OPCML: variants seen among roughly 807,000 people sequenced by gnomAD.
The protein encoded by OPCML is opioid-binding protein/cell adhesion molecule.
In OPCML, 13 loss-of-function variants were observed where a neutral mutation model predicts 37.8. The ratio of observed to expected loss-of-function variants is 0.34; its 90% CI spans 0.22 to 0.55. The LOEUF is 0.55. OPCML is among the 20% of genes least tolerant of loss of function. The pLI is 0.91. For missense variants in OPCML, 341 were observed against 435.6 expected, an observed-to-expected ratio of 0.78 and a Z score of 1.93; for synonymous variants, 176 against 168.8, an observed-to-expected ratio of 1.04 and a Z score of -0.33.
intron 1 of OPCML, among the ~76,000 whole-genome samples, chr11:133,359,344 T>C (rs1215109613): frequency 6.6e-6 from 1 of 152,196 alleles, no homozygotes; most frequent in Non-Finnish European, 1.5e-5. Flanking sequence ...CATTCTTTTT[T>C]GTAATTGTTC....
intron 2 of OPCML, among the ~76,000 whole-genome samples, chr11:132,754,533 A>G (rs1171618284): frequency 6.6e-6 from 1 of 152,086 alleles, no homozygotes; most frequent in Non-Finnish European, 1.5e-5. Context: ...TTAATTGCCC[A>G]GTCTCAGATA....
At chr11:132,642,328 A>G (rs1368147956) in intron 3 of OPCML, among the ~76,000 whole-genome samples, 1 of 152,244 alleles carries the variant, frequency 6.6e-6, no homozygotes, top group East Asian at 1.9e-4. Flanking sequence ...TACATCTTGA[A>G]CATGAGATTA....
intron 2 of OPCML, among the ~76,000 whole-genome samples, chr11:132,819,395 A>T (rs1448370725): frequency 1.4e-5 from 2 of 146,260 alleles, no homozygotes; most frequent in African/African-American, 5.0e-5. Flanking sequence ...GATGAAATAG[A>T]TGTATATATA....
At chr11:132,816,193 T>C (rs1417208151) in intron 2 of OPCML, among the ~76,000 whole-genome samples, 1 of 152,186 alleles carries the variant, frequency 6.6e-6, no homozygotes, top group African/African-American at 2.4e-5. Flanking sequence ...CTTCATGGCA[T>C]TGTGGTTTAA....
intron 1 of OPCML, chr11:133,007,406 A>G (rs549583052): frequency 1.0e-6 from 1 of 985,438 alleles, no homozygotes; most frequent in African/African-American, 1.7e-5. Flanking sequence ...CGCCCCATTA[A>G]AGAGTCAAAG....
At chr11:133,530,046 T>C (rs1452274177) in intron 1 of OPCML, among the ~76,000 whole-genome samples, 1 of 152,188 alleles carries the variant, frequency 6.6e-6, no homozygotes, top group African/African-American at 2.4e-5. Flanking sequence ...AAAGAGGGCA[T>C]GTTGCAGTGA....
chr11:133,466,673 AC>A (rs1946984518), intron 1 of OPCML, among the ~76,000 whole-genome samples: 2 of 152,246 alleles, frequency 1.3e-5, no homozygotes, highest in African/African-American at 4.8e-5. Flanking sequence ...TAGAAAATGT[AC>A]AAAAAATACA....
At chr11:133,348,505 G>C (rs1368079879) in intron 1 of OPCML, among the ~76,000 whole-genome samples, 1 of 152,172 alleles carries the variant, frequency 6.6e-6, no homozygotes, top group East Asian at 1.9e-4. Flanking sequence ...CAATCTGCAA[G>C]AGAGGAGCAT....
intron 1 of OPCML, among the ~76,000 whole-genome samples, chr11:133,041,025 G>T (rs1947883480): frequency 6.6e-6 from 1 of 152,194 alleles, no homozygotes. Context: ...AATACTGCAA[G>T]TTAGCTGGAA....
chr11:133,007,083 A>G (rs965328226), intron 1 of OPCML: 1 of 985,448 alleles, frequency 1.0e-6, no homozygotes, highest in Non-Finnish European at 1.2e-6. Context: ...CCAGATGTCA[A>G]ACCAGTTTAA....
chr11:133,458,609 A>G (rs537418886), intron 1 of OPCML, among the ~76,000 whole-genome samples: 933 of 88,588 alleles, frequency 0.011, 82 homozygotes, highest in Middle Eastern at 0.031. Flanking sequence ...GTGTGTGTGT[A>G]TACACATATA....
chr11:132,660,749 T>G (rs1164922351), intron 2 of OPCML, among the ~76,000 whole-genome samples: 2 of 152,220 alleles, frequency 1.3e-5, no homozygotes, highest in Non-Finnish European at 2.9e-5. Flanking sequence ...TTTAGTGCCC[T>G]GCTTTGCTTC....
At chr11:133,341,230 A>G (rs1395463909) in intron 1 of OPCML, among the ~76,000 whole-genome samples, 1 of 152,230 alleles carries the variant, frequency 6.6e-6, no homozygotes, top group Non-Finnish European at 1.5e-5. Flanking sequence ...GTGAATTCTA[A>G]TGAACAAAAA....
At chr11:132,884,344 T>A (rs559889697) in intron 2 of OPCML, among the ~76,000 whole-genome samples, 8 of 152,320 alleles carry the variant, frequency 5.3e-5, no homozygotes, top group African/African-American at 1.7e-4. Context: ...AAATGTTAAA[T>A]GGCTCCAATA....
Position 133,417,001 on chromosome 11 carries a change from T to C in OPCML, c.61+115263A>G, listed in dbSNP as rs528781599. Among the ~76,000 whole-genome samples, 12 of 152,282 alleles carry C rather than the reference T, an allele frequency of 7.9e-5. No homozygotes were observed. The East Asian group carries it at 2.3e-3, about 29-fold the overall frequency. ...AAAACTCTTGAACCACAAGATTTAA[T>C]GAGCTTCTGGGTTGCTGAACACATG... On this transcript the variant is annotated intron_variant, in intron 1 of 7. Transcript: ENST00000524381.
At chr11:133,363,586 G>T (rs1682815959) in intron 1 of OPCML, among the ~76,000 whole-genome samples, 1 of 152,208 alleles carries the variant, frequency 6.6e-6, no homozygotes, top group South Asian at 2.1e-4. Flanking sequence ...GATGCTGTCG[G>T]GTTGGGGAGG....
intron 1 of OPCML, among the ~76,000 whole-genome samples, chr11:133,122,110 A>T (rs988922344): frequency 1.6e-4 from 25 of 152,172 alleles, no homozygotes; most frequent in African/African-American, 6.0e-4. Flanking sequence ...ATAGTGTAAA[A>T]TTGTTGTTCC....
intron 4 of OPCML, among the ~76,000 whole-genome samples, chr11:132,445,736 G>T (rs2096052927): frequency 6.6e-6 from 1 of 152,110 alleles, no homozygotes; most frequent in Non-Finnish European, 1.5e-5. Flanking sequence ...ATTCAGGGTT[G>T]GTAAGTTGAG....
intron 1 of OPCML, among the ~76,000 whole-genome samples, chr11:133,145,626 A>C (rs920687447): frequency 6.6e-6 from 1 of 152,236 alleles, no homozygotes; most frequent in African/African-American, 2.4e-5. Flanking sequence ...GCAGGACAAA[A>C]AGAAAGAAGC....
Sources: allele counts gnomAD v4.1 joint callset (sites outside exome capture counted in the v4.1 genomes callset), GRCh38; gene constraint gnomAD v4.1.1; transcripts MANE v1.5; gene names NCBI Gene and HGNC (gene_info 2026-07-23, HGNC 2026-07-21).